CCDC175: variants seen among roughly 807,000 people sequenced by gnomAD.
The protein encoded by CCDC175 is coiled-coil domain containing 175.
A neutral mutation model predicts 114.6 loss-of-function variants in CCDC175; 100 were observed. That is an observed-to-expected ratio of 0.87 (90% confidence interval 0.74 to 1.03). The LOEUF is 1.03. Ranked by LOEUF, CCDC175 falls within the 50% of genes least tolerant of loss-of-function variation. The pLI is 0.00. For missense variants in CCDC175, 880 were observed against 917.8 expected, an observed-to-expected ratio of 0.96 and a Z score of 0.53; for synonymous variants, 306 against 308.7, an observed-to-expected ratio of 0.99 and a Z score of 0.09.
chr14:59,551,528 G>C, intron 7 of CCDC175, 92 bp from the exon 8 acceptor site: 1 of 559,640 alleles, frequency 1.8e-6, no homozygotes, highest in Non-Finnish European at 3.0e-6. Context: ...GCAGTATACA[G>C]CTCCCAGTGT....
At chr14:59,530,395 A>G (rs111758996) in intron 14 of CCDC175, among the ~76,000 whole-genome samples, 6,155 of 149,978 alleles carry the variant, frequency 0.041, 162 homozygotes, top group Non-Finnish European at 0.06. Flanking sequence ...AGCAAAAAAG[A>G]AAGAGACAGA....
intron 5 of CCDC175, 42 bp from the exon 6 acceptor site, chr14:59,563,901 A>C (rs1490979928): frequency 6.3e-6 from 8 of 1,273,120 alleles, no homozygotes; most frequent in Non-Finnish European, 7.1e-6. Context: ...AAAGCCTATT[A>C]GCACAACAAA....
intron 17 of CCDC175, among the ~76,000 whole-genome samples, chr14:59,514,740 C>T (rs1892968101): frequency 6.6e-6 from 1 of 152,224 alleles, no homozygotes; most frequent in Non-Finnish European, 1.5e-5. Context: ...GGAAAACACT[C>T]TGCAGGATAT....
intron 17 of CCDC175, among the ~76,000 whole-genome samples, chr14:59,512,728 T>C (rs1390294797): frequency 6.6e-6 from 1 of 152,082 alleles, no homozygotes; most frequent in East Asian, 1.9e-4. Context: ...GATTAGAAAA[T>C]ATAATTTCAT....
chr14:59,513,388 G>A (rs1209450082), intron 17 of CCDC175, among the ~76,000 whole-genome samples: 1 of 149,182 alleles, frequency 6.7e-6, no homozygotes, highest in Non-Finnish European at 1.5e-5. Flanking sequence ...CCTGGGAAGT[G>A]GAAGGGGTCA....
chr14:59,553,621 C>A (rs1239547172), intron 7 of CCDC175, among the ~76,000 whole-genome samples: 1 of 152,122 alleles, frequency 6.6e-6, no homozygotes, highest in East Asian at 1.9e-4. Context: ...ACAATATTAA[C>A]CTTAAATGTA....
At chr14:59,541,318 A>T (rs1894771404) in intron 10 of CCDC175, among the ~76,000 whole-genome samples, 5 of 152,196 alleles carry the variant, frequency 3.3e-5, no homozygotes, top group Admixed American at 3.3e-4. Flanking sequence ...CTAACTAAGG[A>T]TAGAAGATTT....
chr14:59,548,624 C>T (rs754265641), intron 8 of CCDC175, among the ~76,000 whole-genome samples: 2 of 152,086 alleles, frequency 1.3e-5, no homozygotes, highest in Non-Finnish European at 2.9e-5. Flanking sequence ...CTAGCTTCTG[C>T]AGTAGGAAAC....
intron 14 of CCDC175, among the ~76,000 whole-genome samples, chr14:59,531,202 G>A (rs974592437): frequency 1.3e-5 from 2 of 151,918 alleles, no homozygotes; most frequent in Admixed American, 6.6e-5. Context: ...ATTTTTTGTG[G>A]AGAAAATAAT....
intron 6 of CCDC175, 123 bp from the exon 7 acceptor site, chr14:59,561,351 G>T: frequency 2.2e-6 from 1 of 462,108 alleles, no homozygotes; most frequent in South Asian, 5.1e-5. Context: ...TGTACTTCAA[G>T]GAAAAAAAGC....
At chr14:59,517,786 C>T (rs1036701869) in intron 17 of CCDC175, among the ~76,000 whole-genome samples, 2 of 152,300 alleles carry the variant, frequency 1.3e-5, no homozygotes, top group Admixed American at 6.5e-5. Context: ...CATCAAGCTA[C>T]CAATGACTTT....
chr14:59,569,179 A>C (rs1355701452), intron 3 of CCDC175, among the ~76,000 whole-genome samples: 3 of 152,222 alleles, frequency 2.0e-5, no homozygotes, highest in Non-Finnish European at 2.9e-5. Context: ...TCATTTCTAC[A>C]CAGCAAACTC....
intron 8 of CCDC175, among the ~76,000 whole-genome samples, chr14:59,548,545 AG>A: frequency 6.6e-6 from 1 of 152,242 alleles, no homozygotes. Flanking sequence ...ATGCCAGTTT[AG>A]GGGTCCTAGA....
intron 11 of CCDC175, among the ~76,000 whole-genome samples, chr14:59,540,049 C>T (rs1191333071): frequency 3.3e-5 from 5 of 151,904 alleles, no homozygotes; most frequent in Middle Eastern, 3.2e-3. Context: ...CCATCTTGGG[C>T]GACAGAGCAA....
chr14:59,505,988 T>G (rs1435898001), intron 19 of CCDC175, among the ~76,000 whole-genome samples: 2 of 152,206 alleles, frequency 1.3e-5, no homozygotes, highest in Non-Finnish European at 2.9e-5. Context: ...TCTTAAATTC[T>G]CAAAGAGGAT....
chr14:59,529,783 A>G (rs1211945808), intron 14 of CCDC175, among the ~76,000 whole-genome samples: 2 of 152,180 alleles, frequency 1.3e-5, no homozygotes, highest in Non-Finnish European at 2.9e-5. Flanking sequence ...ACAAAGATAT[A>G]TGTACATGCT....
At chr14:59,540,493 CA>C (rs11379946) in intron 11 of CCDC175, among the ~76,000 whole-genome samples, 181 bp downstream of exon 11, 81 of 144,734 alleles carry the variant, frequency 5.6e-4, no homozygotes, top group African/African-American at 8.8e-4. Context: ...TGTTCAATGC[CA>C]AAAAAAAAAA....
intron 17 of CCDC175, among the ~76,000 whole-genome samples, chr14:59,514,688 G>C (rs973705931): frequency 6.6e-6 from 1 of 152,212 alleles, no homozygotes; most frequent in African/African-American, 2.4e-5. Context: ...ATCTACGTCT[G>C]ATTGGTGTAC....
chr14:59,508,386 C>A (rs2139943501), intron 19 of CCDC175, among the ~76,000 whole-genome samples: 1 of 68,466 alleles, frequency 1.5e-5, no homozygotes, highest in East Asian at 3.6e-4. Context: ...ATGGCATAAC[C>A]TCGTCTCCAA....
Sources: allele counts gnomAD v4.1 joint callset (sites outside exome capture counted in the v4.1 genomes callset), GRCh38; gene constraint gnomAD v4.1.1; transcripts MANE v1.5; gene names NCBI Gene and HGNC (gene_info 2026-07-23, HGNC 2026-07-21).